The following ANKS1B variants were observed in gnomAD, a reference collection of about 807,000 sequenced individuals.
ANKS1B encodes ankyrin repeat and sterile alpha motif domain containing 1B.
Under a neutral mutation model 148.3 loss-of-function variants are expected in ANKS1B, and 36 were observed. The observed-to-expected ratio is 0.24, with a 90% CI of 0.19 to 0.32. The LOEUF is 0.32. Among genes scored for constraint, ANKS1B ranks in the 10% least tolerant of loss-of-function variants. The probability of loss-of-function intolerance (pLI) is 1.00; values close to 1 mark genes in which losing one functional copy is unlikely to be tolerated. For missense variants in ANKS1B, 1,157 were observed against 1,542.6 expected (o/e 0.75, Z 4.19); for synonymous variants, 542 against 560.8 (o/e 0.97, Z 0.47).
intron 17 of ANKS1B, among the ~76,000 whole-genome samples, chr12:99,015,384 G>A (rs574426771): frequency 3.9e-5 from 6 of 152,256 alleles, no homozygotes; most frequent in African/African-American, 1.4e-4. Flanking sequence ...TGGGAGGAGG[G>A]AGAAGATCAT....
chr12:99,524,525 A>T (rs2096907263), intron 9 of ANKS1B, among the ~76,000 whole-genome samples: 1 of 152,234 alleles, frequency 6.6e-6, no homozygotes, highest in South Asian at 2.1e-4. Context: ...AGTGTCAGTG[A>T]TGCAACACGA....
At chr12:99,839,250 A>T (rs1000651346) in intron 1 of ANKS1B, among the ~76,000 whole-genome samples, 2 of 152,062 alleles carry the variant, frequency 1.3e-5, no homozygotes, top group South Asian at 2.1e-4. Context: ...TGTCAAATTT[A>T]AAAAAAAGTT....
intron 8 of ANKS1B, among the ~76,000 whole-genome samples, chr12:99,678,003 C>A (rs1170139426): frequency 2.6e-5 from 4 of 152,162 alleles, no homozygotes; most frequent in Non-Finnish European, 4.4e-5. Flanking sequence ...TTAAAAGATA[C>A]CCACTAAAAC....
chr12:99,676,574 T>C (rs1486922123), intron 8 of ANKS1B, among the ~76,000 whole-genome samples: 1 of 152,212 alleles, frequency 6.6e-6, no homozygotes, highest in Non-Finnish European at 1.5e-5. Flanking sequence ...TGCCAAATAA[T>C]TTATAAAAAT....
At chr12:99,282,626 G>T (rs916754555) in intron 12 of ANKS1B, among the ~76,000 whole-genome samples, 1 of 152,098 alleles carries the variant, frequency 6.6e-6, no homozygotes, top group African/African-American at 2.4e-5. Context: ...GAAGTGGTTA[G>T]CTTTTGTTCT....
intron 10 of ANKS1B, among the ~76,000 whole-genome samples, chr12:99,454,185 T>C (rs1265494481): frequency 6.6e-6 from 1 of 152,182 alleles, no homozygotes; most frequent in Non-Finnish European, 1.5e-5. Flanking sequence ...AGATGAAAGA[T>C]GGAAAGGTGT....
intron 17 of ANKS1B, among the ~76,000 whole-genome samples, chr12:99,037,666 T>G (rs889746963): frequency 1.3e-5 from 2 of 152,222 alleles, no homozygotes; most frequent in African/African-American, 4.8e-5. Flanking sequence ...AGGAAGTCAC[T>G]GTGTTTTAGC....
chr12:99,760,461 C>T lies in ANKS1B; in HGVS notation c.1128+12461G>A, dbSNP rs144410675. On this transcript the variant is annotated intron_variant, in intron 8 of 26. Coordinates refer to ENST00000683438, the MANE Select transcript of ANKS1B (RefSeq NM_001352186.2). ...TGCTACTGAATGAGTTTTGGGTACG[C>T]AATGAAATTAAGGCAGATATCAAAA... 3.9e-3 allele frequency among the ~76,000 whole-genome samples: 595 copies of T among 151,670 alleles called. 3 individuals carry two copies. Among genetic ancestry groups the T allele is most frequent in the African/African-American group, 0.014 (573 of 41,436 alleles).
chr12:98,877,128 T>C (rs201189564), intron 17 of ANKS1B, among the ~76,000 whole-genome samples: 3 of 152,178 alleles, frequency 2.0e-5, no homozygotes, highest in East Asian at 1.9e-4. Context: ...AGTTAAGCGA[T>C]AGGCACCTAC....
chr12:99,011,568 GTAC>G (rs1227405320), intron 17 of ANKS1B, among the ~76,000 whole-genome samples: 1 of 152,130 alleles, frequency 6.6e-6, no homozygotes, highest in African/African-American at 2.4e-5. Flanking sequence ...GAAATAATTT[GTAC>G]TATTCATTGC....
intron 8 of ANKS1B, among the ~76,000 whole-genome samples, chr12:99,723,890 C>T (rs2058355257): frequency 6.6e-6 from 1 of 152,070 alleles, no homozygotes; most frequent in African/African-American, 2.4e-5. Flanking sequence ...CCCAGCAAAC[C>T]ACAACAGCCC....
chr12:99,500,918 A>T (rs924669351), intron 10 of ANKS1B, among the ~76,000 whole-genome samples: 1 of 151,778 alleles, frequency 6.6e-6, no homozygotes, highest in Non-Finnish European at 1.5e-5. Context: ...TCTCTTTCAT[A>T]TTTTCCACAT....
chr12:98,985,586 C>A (rs1171000168), intron 17 of ANKS1B, among the ~76,000 whole-genome samples: 1 of 151,522 alleles, frequency 6.6e-6, no homozygotes, highest in African/African-American at 2.4e-5. Flanking sequence ...ACAAATAACA[C>A]CCTACTTCAA....
intron 17 of ANKS1B, among the ~76,000 whole-genome samples, chr12:98,922,109 T>C (rs1313689847): frequency 1.3e-5 from 2 of 152,226 alleles, no homozygotes; most frequent in Non-Finnish European, 2.9e-5. Context: ...GTATCTATCC[T>C]CAAGTGGCAT....
chr12:99,819,005 T>C (rs775183681), intron 2 of ANKS1B, among the ~76,000 whole-genome samples: 9 of 151,864 alleles, frequency 5.9e-5, no homozygotes, highest in Non-Finnish European at 1.2e-4. Flanking sequence ...AAGATGTTTA[T>C]TTCATACCAT....
At chr12:99,649,416 C>A (rs757826494) in intron 9 of ANKS1B, 1 of 1,579,294 alleles carries the variant, frequency 6.3e-7, no homozygotes, top group South Asian at 1.1e-5. Context: ...ATACCTCCCA[C>A]ATATACTACG....
At chr12:99,463,829 T>C (rs2096040595) in intron 10 of ANKS1B, among the ~76,000 whole-genome samples, 1 of 152,206 alleles carries the variant, frequency 6.6e-6, no homozygotes, top group Non-Finnish European at 1.5e-5. Context: ...CAAGGAGGCC[T>C]GCCTGCCTCT....
intron 17 of ANKS1B, among the ~76,000 whole-genome samples, chr12:98,861,090 G>A (rs978392939): frequency 5.9e-5 from 9 of 152,192 alleles, no homozygotes; most frequent in Admixed American, 3.9e-4. Context: ...CCCCTCCAGA[G>A]TTAGGTAGGC....
intron 9 of ANKS1B, among the ~76,000 whole-genome samples, chr12:99,615,844 A>G (rs2097953221): frequency 6.6e-6 from 1 of 152,188 alleles, no homozygotes. Flanking sequence ...GAAGACAGGA[A>G]GTCAAATTGT....
Sources: allele counts gnomAD v4.1 joint callset (sites outside exome capture counted in the v4.1 genomes callset), GRCh38; gene constraint gnomAD v4.1.1; transcripts MANE v1.5; gene names NCBI Gene and HGNC (gene_info 2026-07-23, HGNC 2026-07-21).